Variants in ANO10 observed in about 807,000 individuals in gnomAD.
The protein encoded by ANO10 is anoctamin-10.
In ANO10, 77 loss-of-function variants were observed where a neutral mutation model predicts 74.7. The observed-to-expected ratio is 1.03, with a 90% confidence interval of 0.86 to 1.25. The LOEUF (loss-of-function observed/expected upper bound fraction) is 1.25, where lower values mean the gene tolerates loss of function less well. Among genes scored for constraint, ANO10 ranks in the 50% most tolerant of loss-of-function variants. The pLI, the probability that ANO10 is intolerant of heterozygous loss-of-function variation, is 0.00. For missense variants in ANO10, 721 were observed against 778.1 expected, an observed-to-expected ratio of 0.93 and a Z score of 0.87; for synonymous variants, 279 against 284.9, an observed-to-expected ratio of 0.98 and a Z score of 0.21.
chr3:43,516,940 A>G (rs1231939801), intron 11 of ANO10, among the ~76,000 whole-genome samples: 1 of 152,154 alleles, frequency 6.6e-6, no homozygotes, highest in African/African-American at 2.4e-5. Context: ...AGTGGTATTT[A>G]TGGAATGGCC....
intron 11 of ANO10, among the ~76,000 whole-genome samples, chr3:43,490,186 G>A (rs913666541): frequency 1.3e-5 from 2 of 152,192 alleles, no homozygotes; most frequent in Non-Finnish European, 2.9e-5. Context: ...TTGACATTTA[G>A]CCCTGGCCTC....
chr3:43,617,246 TG>T (rs976942099), intron 1 of ANO10, among the ~76,000 whole-genome samples: 4 of 151,296 alleles, frequency 2.6e-5, no homozygotes, highest in African/African-American at 9.7e-5. Context: ...ACAAACCTTA[TG>T]GTTCCAGTTG....
At chr3:43,677,802 T>C (rs990081026) in intron 1 of ANO10, among the ~76,000 whole-genome samples, 8 of 152,196 alleles carry the variant, frequency 5.3e-5, no homozygotes, top group Non-Finnish European at 8.8e-5. Flanking sequence ...GCCATAGTAT[T>C]TGACTTAGGA....
At chr3:43,594,855 T>C (rs556981091) in intron 4 of ANO10, among the ~76,000 whole-genome samples, 9 of 152,078 alleles carry the variant, frequency 5.9e-5, no homozygotes, top group Non-Finnish European at 1.2e-4. Context: ...ACAAAATTGA[T>C]AGACCGCTAG....
chr3:43,654,276 A>G (rs2083821839), intron 1 of ANO10, among the ~76,000 whole-genome samples: 1 of 152,172 alleles, frequency 6.6e-6, no homozygotes, highest in Non-Finnish European at 1.5e-5. Flanking sequence ...GAAATAGGAA[A>G]TGGCTTTAAT....
chr3:43,646,633 G>A (rs2083729455), intron 1 of ANO10, among the ~76,000 whole-genome samples: 1 of 152,130 alleles, frequency 6.6e-6, no homozygotes, highest in Non-Finnish European at 1.5e-5. Flanking sequence ...AGCCTCCTGA[G>A]TGGCTGGGAT....
chr3:43,490,695 C>G (rs990651877), intron 11 of ANO10, among the ~76,000 whole-genome samples: 1 of 152,112 alleles, frequency 6.6e-6, no homozygotes, highest in Non-Finnish European at 1.5e-5. Flanking sequence ...AATATTGATG[C>G]AAAGATTCTA....
intron 1 of ANO10, among the ~76,000 whole-genome samples, chr3:43,668,601 G>A (rs868730785): frequency 6.6e-6 from 1 of 151,922 alleles, no homozygotes. Context: ...GTTGATTTTT[G>A]TATACGGTAA....
intron 1 of ANO10, among the ~76,000 whole-genome samples, chr3:43,648,461 G>C (rs1486776623): frequency 1.3e-5 from 2 of 152,082 alleles, no homozygotes; most frequent in Non-Finnish European, 2.9e-5. Flanking sequence ...TAGCCCCAAG[G>C]GCTGCTGCTT....
chr3:43,663,269 T>C (rs760747126), intron 1 of ANO10, among the ~76,000 whole-genome samples: 3 of 152,148 alleles, frequency 2.0e-5, no homozygotes, highest in Non-Finnish European at 4.4e-5. Flanking sequence ...ATCCATCACA[T>C]AAACAGAACC....
In ANO10 at chr3:43,668,053, G is replaced by A. The variant is rs567336525; in HGVS notation, c.-12+23464C>T. On this transcript the variant is annotated intron_variant, in intron 1 of 3. Coordinates refer to the ANO10 transcript ENST00000413397. ...GTACTAATTTACATTCCCACCAGTCGGGTAAAACTGTTCCCTTTTCACCAC... is the reference window on the plus strand; with the variant it reads ...GTACTAATTTACATTCCCACCAGTCAGGTAAAACTGTTCCCTTTTCACCAC... 2.0e-5 allele frequency among the ~76,000 whole-genome samples: 3 copies of A among 152,158 alleles called. No homozygotes were observed. The South Asian group carries it at 6.2e-4, about 32-fold the overall frequency.
intron 11 of ANO10, among the ~76,000 whole-genome samples, chr3:43,515,779 T>G (rs1269933448): frequency 6.6e-6 from 1 of 152,196 alleles, no homozygotes; most frequent in African/African-American, 2.4e-5. Flanking sequence ...TGCTTCGTAT[T>G]GCTAAGAACT....
intron 11 of ANO10, among the ~76,000 whole-genome samples, chr3:43,500,604 A>G (rs1462423975): frequency 6.6e-6 from 1 of 152,218 alleles, no homozygotes; most frequent in East Asian, 1.9e-4. Context: ...GGCTCAGTGA[A>G]ATGTGGTGGT....
intron 1 of ANO10, among the ~76,000 whole-genome samples, chr3:43,655,412 G>A (rs140593414): frequency 1.5e-3 from 235 of 152,328 alleles, no homozygotes; most frequent in African/African-American, 5.4e-3. Context: ...TAAAAGCAGC[G>A]TGGACCCAAA....
At chr3:43,683,758 C>A (rs1472024474) in intron 1 of ANO10, among the ~76,000 whole-genome samples, 1 of 151,946 alleles carries the variant, frequency 6.6e-6, no homozygotes, top group African/African-American at 2.4e-5. Flanking sequence ...CAGAACAGAG[C>A]CCTCAGAAAT....
At chr3:43,564,436 C>CCATAATTA (rs1330957218) in intron 8 of ANO10, among the ~76,000 whole-genome samples, 1 of 151,928 alleles carries the variant, frequency 6.6e-6, no homozygotes, top group Non-Finnish European at 1.5e-5. Flanking sequence ...AAAGAGCCAC[C>CCATAATTA]CATAATTACA....
intron 12 of ANO10, among the ~76,000 whole-genome samples, chr3:43,391,355 T>A (rs1465219098): frequency 6.6e-6 from 1 of 152,138 alleles, no homozygotes; most frequent in Non-Finnish European, 1.5e-5. Context: ...AAAAAACATA[T>A]AAGGATGAAT....
chr3:43,632,210 C>G, intron 1 of ANO10, among the ~76,000 whole-genome samples: 2 of 152,208 alleles, frequency 1.3e-5, no homozygotes, highest in East Asian at 3.8e-4. Flanking sequence ...CACATCTACC[C>G]TCTACCCTTC....
chr3:43,511,841 A>C (rs1346384460), intron 11 of ANO10, among the ~76,000 whole-genome samples: 6 of 151,546 alleles, frequency 4.0e-5, no homozygotes, highest in African/African-American at 1.5e-4. Flanking sequence ...GTAGATTTTT[A>C]CCTACATTAA....
Sources: gnomAD v4.1 joint callset for allele counts (sites outside exome capture counted in the v4.1 genomes callset) on GRCh38, gnomAD v4.1.1 for gene constraint, MANE v1.5 for transcripts, NCBI Gene and HGNC (gene_info 2026-07-23, HGNC 2026-07-21) for gene names.